SHISA9: variants seen among roughly 807,000 people sequenced by gnomAD.
SHISA9 encodes protein shisa-9.
A neutral mutation model predicts 38.0 loss-of-function variants in SHISA9; 13 were observed. That is an observed-to-expected ratio of 0.34 (90% confidence interval 0.22 to 0.54). The LOEUF is 0.54. Among genes scored for constraint, SHISA9 ranks in the 20% least tolerant of loss-of-function variants. The pLI, the probability that SHISA9 is intolerant of heterozygous loss-of-function variation, is 0.91. For missense variants in SHISA9, 538 were observed against 575.8 expected (o/e 0.93, Z 0.67); for synonymous variants, 275 against 242.0 (o/e 1.14, Z -1.27).
intron 2 of SHISA9, among the ~76,000 whole-genome samples, chr16:13,065,401 C>T (rs1406244057): frequency 1.3e-5 from 2 of 152,242 alleles, no homozygotes; most frequent in East Asian, 3.9e-4. Context: ...AAACTATGAA[C>T]CAGTGAAAGT....
the SHISA9 span, among the ~76,000 whole-genome samples, chr16:13,327,768 T>A: frequency 6.6e-6 from 1 of 151,988 alleles, no homozygotes; most frequent in African/African-American, 2.4e-5. Flanking sequence ...GTGATTCTCG[T>A]GCCTCAGCCT....
intron 2 of SHISA9, among the ~76,000 whole-genome samples, chr16:12,943,199 T>C (rs1205315621): frequency 6.6e-6 from 1 of 151,872 alleles, no homozygotes; most frequent in Non-Finnish European, 1.5e-5. Context: ...GGTTCAGGTA[T>C]CCACTGTTGG....
the SHISA9 span, among the ~76,000 whole-genome samples, chr16:13,392,941 T>C: frequency 1.3e-5 from 2 of 152,214 alleles, no homozygotes; most frequent in Non-Finnish European, 2.9e-5. Flanking sequence ...CCTCCAGAGC[T>C]GTGAGATGAT....
chr16:13,260,560 C>G, the SHISA9 span, among the ~76,000 whole-genome samples: 2 of 152,146 alleles, frequency 1.3e-5, no homozygotes, highest in African/African-American at 4.8e-5. Flanking sequence ...ACCTTTACTC[C>G]AGTTCCCAAG....
intron 2 of SHISA9, among the ~76,000 whole-genome samples, chr16:13,115,633 A>T (rs1353686559): frequency 6.6e-6 from 1 of 152,216 alleles, no homozygotes; most frequent in African/African-American, 2.4e-5. Flanking sequence ...ATTTATGGCC[A>T]GTTTTGGAGC....
intron 2 of SHISA9, among the ~76,000 whole-genome samples, chr16:13,003,748 C>A (rs1295804276): frequency 6.6e-6 from 1 of 152,156 alleles, no homozygotes; most frequent in South Asian, 2.1e-4. Flanking sequence ...ATCCCAGCTA[C>A]TCAGGAGGCT....
At chr16:12,982,374 C>T (rs1289573246) in intron 2 of SHISA9, among the ~76,000 whole-genome samples, 2 of 152,234 alleles carry the variant, frequency 1.3e-5, no homozygotes, top group Non-Finnish European at 2.9e-5. Context: ...AGAACACTTC[C>T]ATCATCTCAG....
the SHISA9 span, among the ~76,000 whole-genome samples, chr16:13,391,203 A>G: frequency 6.6e-6 from 1 of 152,220 alleles, no homozygotes; most frequent in African/African-American, 2.4e-5. Flanking sequence ...AACCCTTGGA[A>G]AAAAGATGCT....
At chr16:13,436,979 A>G in the SHISA9 span, among the ~76,000 whole-genome samples, 2 of 152,142 alleles carry the variant, frequency 1.3e-5, no homozygotes, top group South Asian at 2.1e-4. Context: ...GTGCAGGGGA[A>G]CTGCCCTTTA....
intron 2 of SHISA9, among the ~76,000 whole-genome samples, chr16:13,191,087 C>A (rs2050880887): frequency 6.6e-6 from 1 of 151,898 alleles, no homozygotes; most frequent in Admixed American, 6.6e-5. Flanking sequence ...TGCTTGTGGA[C>A]AGAAAAAAAC....
At chr16:13,322,048 G>A in the SHISA9 span, among the ~76,000 whole-genome samples, 1 of 152,186 alleles carries the variant, frequency 6.6e-6, no homozygotes, top group Admixed American at 6.5e-5. Flanking sequence ...TATTGTATAT[G>A]TCTTACTAAT....
intron 2 of SHISA9, among the ~76,000 whole-genome samples, chr16:12,999,228 A>G (rs924143091): frequency 6.6e-6 from 1 of 152,194 alleles, no homozygotes; most frequent in Non-Finnish European, 1.5e-5. Context: ...GCTGCTTTAA[A>G]CAGTAAAATC....
chr16:13,213,891 G>A (rs1297983892), intron 4 of SHISA9, among the ~76,000 whole-genome samples: 1 of 152,168 alleles, frequency 6.6e-6, no homozygotes, highest in Non-Finnish European at 1.5e-5. Context: ...CAGAGGACTG[G>A]CCCTTTACAT....
At chr16:12,924,483 A>C (rs528668922) in intron 2 of SHISA9, among the ~76,000 whole-genome samples, 1 of 152,302 alleles carries the variant, frequency 6.6e-6, no homozygotes, top group Admixed American at 6.5e-5. Flanking sequence ...CTAGGAAGTC[A>C]CAGCCACCAA....
chr16:13,300,454 A>G, the SHISA9 span, among the ~76,000 whole-genome samples: 3 of 151,846 alleles, frequency 2.0e-5, no homozygotes, highest in South Asian at 4.2e-4. Flanking sequence ...CCCTCGACCT[A>G]CTCTGTGATA....
chr16:13,300,442 T>G, the SHISA9 span, among the ~76,000 whole-genome samples: 1 of 152,068 alleles, frequency 6.6e-6, no homozygotes, highest in Non-Finnish European at 1.5e-5. Flanking sequence ...ATTCCTGCAT[T>G]TCCCTCGACC....
chr16:13,221,333 C>G (rs1404701696), intron 4 of SHISA9, among the ~76,000 whole-genome samples: 1 of 152,026 alleles, frequency 6.6e-6, no homozygotes, highest in Non-Finnish European at 1.5e-5. Context: ...TTAGGAAACT[C>G]AGGCTTTTTT....
intron 2 of SHISA9, among the ~76,000 whole-genome samples, chr16:13,034,789 G>A (rs1445446499): frequency 6.6e-6 from 1 of 152,116 alleles, no homozygotes; most frequent in South Asian, 2.1e-4. Context: ...TTGTACCTCT[G>A]CCATTGCCAA....
intron 2 of SHISA9, among the ~76,000 whole-genome samples, chr16:13,197,126 C>CACACACACACACACACACACACAG (rs1441162397): frequency 5.1e-4 from 76 of 150,246 alleles, no homozygotes; most frequent in African/African-American, 1.8e-3. Flanking sequence ...CACACACACA[C>CACACACACACACACACACACACAG]ACACACACAC....
Sources: allele counts gnomAD v4.1 joint callset (sites outside exome capture counted in the v4.1 genomes callset), GRCh38; gene constraint gnomAD v4.1.1; transcripts MANE v1.5; gene names NCBI Gene and HGNC (gene_info 2026-07-23, HGNC 2026-07-21).